ZNF676: variants seen among roughly 807,000 people sequenced by gnomAD.
ZNF676 encodes zinc finger protein 676.
ZNF676 carries 4 observed loss-of-function variants against 6.0 expected under a neutral mutation model. That is an observed-to-expected ratio of 0.67 (90% CI 0.33 to 1.53). The LOEUF (loss-of-function observed/expected upper bound fraction) is 1.53, where lower values mean the gene tolerates loss of function less well. Ranked by LOEUF, ZNF676 falls within the 40% of genes most tolerant of loss-of-function variation. The pLI, the probability that ZNF676 is intolerant of heterozygous loss-of-function variation, is 0.06. For synonymous variants in ZNF676, 198 were observed against 223.1 expected (o/e 0.89, Z 1.00); for missense variants, 644 against 679.7 (o/e 0.95, Z 0.58).
In ZNF676 at chr19:22,192,997, T is replaced by C. The variant is rs536067869; in HGVS notation, c.130+19A>G. 25 of 1,595,452 alleles carry C rather than the reference T, an allele frequency of 1.6e-5. No individual in the cohort carries two copies. In the Admixed American group the frequency reaches 3.3e-4, roughly 21 times the overall value. On this transcript the variant is annotated intron_variant, in intron 2 of 2. Coordinates refer to ENST00000397121, the MANE Select transcript of ZNF676 (RefSeq NM_001001411.3). ...CTTTGGACTTCTCATTCATGTTGTC[T>C]GTATTCACTCTCACCTACCTGGGGG...
In ZNF676 at chr19:22,181,195, A is replaced by G; in HGVS notation, c.522T>C (p.Asn174=). 6.2e-7 allele frequency: 1 copy of G among 1,613,882 alleles called. No individual in the cohort carries two copies. The highest frequency in any genetic ancestry group is 8.5e-7 in the Non-Finnish European group (1 of 1,179,870). Residue 174 remains asparagine, a synonymous_variant, in exon 3 of 3, where the codon AAT becomes AAC. Transcript: ENST00000397121. ...TTGAGGACCAGTTAAAAGCTTTGCC[A>G]TTTTCTTCACATTTGTAGGAATTCT... ...TRENSYKCEE[N]GKAFNWSSTL...
At chr19:22,235,151 G>GGAAGGAAAGAAA in the ZNF676 span, among the ~76,000 whole-genome samples, 2 of 120,976 alleles carry the variant, frequency 1.7e-5, no homozygotes, top group East Asian at 2.7e-4. Context: ...AAGGAAGGAA[G>GGAAGGAAAGAAA]GAAAGAAAGA....
the ZNF676 span, among the ~76,000 whole-genome samples, chr19:22,242,865 G>C: frequency 2.0e-5 from 3 of 151,726 alleles, no homozygotes. Flanking sequence ...CTCATGAGAA[G>C]GGAGTTACAT....
chr19:22,250,445 A>G, the ZNF676 span, among the ~76,000 whole-genome samples: 1 of 152,128 alleles, frequency 6.6e-6, no homozygotes, highest in African/African-American at 2.4e-5. Context: ...TTTTGAGATA[A>G]AGTCTCACTC....
chr19:22,180,449 C>T lies in ZNF676; in HGVS notation c.1268G>A (p.Cys423Tyr), dbSNP rs748962039. ...RIHTGEKPYKCEECGKAFSWS... is the reference protein window; with the variant it reads ...RIHTGEKPYKYEECGKAFSWS... ...GCTGAAGGCTTTGCCACATTCTTCA[C>T]ACTTGTAGGGTTTCTCTCCAGTATG... The change falls in exon 3 of 3, where the codon TGT becomes TAT. Residue 423 changes from cysteine to tyrosine, a missense_variant. Cys to Tyr is a radical substitution (Grantham distance 194, BLOSUM62 -2). Coordinates refer to ENST00000397121, the MANE Select transcript of ZNF676 (RefSeq NM_001001411.3). 2 of 1,612,318 alleles carry T rather than the reference C, an allele frequency of 1.2e-6. No homozygotes were observed. Among genetic ancestry groups the T allele is most frequent in the Non-Finnish European group, 1.7e-6 (2 of 1,179,718 alleles).
intron 1 of ZNF676, among the ~76,000 whole-genome samples, chr19:22,196,125 G>A (rs2023964110): frequency 6.6e-6 from 1 of 152,124 alleles, no homozygotes; most frequent in African/African-American, 2.4e-5. Context: ...GGAAATGTTG[G>A]GAGCTGAATG....
chr19:22,193,193 G>A, intron 1 of ZNF676, 82 bp from the exon 2 acceptor site: 1 of 1,349,850 alleles, frequency 7.4e-7, no homozygotes, highest in South Asian at 1.9e-5. Flanking sequence ...TAAAGAGGAT[G>A]TAATAGAATA....
chr19:22,182,585 T>TAAAAAAAAAAAAAAAAAAAA (rs67699215), intron 2 of ZNF676, among the ~76,000 whole-genome samples: 2 of 45,044 alleles, frequency 4.4e-5, no homozygotes, highest in African/African-American at 2.1e-4. Context: ...GTCAAAGTTC[T>TAAAAAAAAAAAAAAAAAAAA]AAAAAAAAAA....
At chr19:22,259,488 C>T in the ZNF676 span, among the ~76,000 whole-genome samples, 4 of 152,108 alleles carry the variant, frequency 2.6e-5, no homozygotes, top group African/African-American at 4.8e-5. Flanking sequence ...CGATGATTCT[C>T]GTGGGCAAGA....
At chr19:22,245,555 C>A in the ZNF676 span, among the ~76,000 whole-genome samples, 1 of 141,234 alleles carries the variant, frequency 7.1e-6, no homozygotes, top group Non-Finnish European at 1.5e-5. Context: ...CCTCCCAATT[C>A]TTTAGGTGTT....
chr19:22,213,948 T>A (rs1361027343), intron 1 of ZNF676, among the ~76,000 whole-genome samples: 1 of 152,206 alleles, frequency 6.6e-6, no homozygotes, highest in Non-Finnish European at 1.5e-5. Context: ...TGATAAGATA[T>A]CTGTGTCTAG....
the ZNF676 span, among the ~76,000 whole-genome samples, chr19:22,232,541 A>T: frequency 2.6e-5 from 4 of 152,312 alleles, no homozygotes; most frequent in African/African-American, 9.6e-5. Context: ...GAGAACAGAG[A>T]ACTTGAAGAC....
the ZNF676 span, among the ~76,000 whole-genome samples, chr19:22,235,186 G>T: frequency 2.6e-5 from 4 of 151,944 alleles, no homozygotes; most frequent in African/African-American, 9.7e-5. Context: ...AGAGGCCTCT[G>T]CTGTGATTCA....
chr19:22,224,718 A>G, the ZNF676 span, among the ~76,000 whole-genome samples: 1 of 152,178 alleles, frequency 6.6e-6, no homozygotes, highest in Non-Finnish European at 1.5e-5. Context: ...ATGGCCAGGC[A>G]TGGTAGTGGC....
At chr19:22,243,058 A>T in the ZNF676 span, among the ~76,000 whole-genome samples, 1 of 151,814 alleles carries the variant, frequency 6.6e-6, no homozygotes, top group Non-Finnish European at 1.5e-5. Flanking sequence ...TCTCCCTTCT[A>T]TGGGCATGAT....
the ZNF676 span, chr19:22,244,560 T>C: frequency 1.3e-5 from 2 of 151,954 alleles, no homozygotes; most frequent in South Asian, 2.1e-4. Context: ...GTATGAGGAA[T>C]GTCACATTTC....
At chr19:22,186,180 C>A (rs4578792) in intron 2 of ZNF676, among the ~76,000 whole-genome samples, 2 of 152,072 alleles carry the variant, frequency 1.3e-5, no homozygotes, top group African/African-American at 2.4e-5. Context: ...AACAGTGGAT[C>A]TCTCTGCAGA....
rs554337380 is a variant in ZNF676 at position 22,208,885 on chromosome 19, G to A, written c.3+6747C>T. On this transcript the variant is annotated intron_variant, in intron 1 of 3. Transcript: ENST00000650058. ...TGAGCCTGAGTGGGTGAGTTTCAGC[G>A]AGCCAAGATCACACCACTGCACTGC... 7.2e-5 allele frequency among the ~76,000 whole-genome samples: 11 copies of A among 152,244 alleles called. 1 individual carries two copies. In the South Asian group the frequency reaches 2.1e-3, roughly 29 times the overall value.
the ZNF676 span, among the ~76,000 whole-genome samples, chr19:22,249,595 A>G: frequency 6.6e-6 from 1 of 152,012 alleles, no homozygotes; most frequent in Non-Finnish European, 1.5e-5. Context: ...TATTTTTAGT[A>G]GAGACGGGGT....
Sources: gnomAD v4.1 joint callset for allele counts (sites outside exome capture counted in the v4.1 genomes callset) on GRCh38, gnomAD v4.1.1 for gene constraint, MANE v1.5 for transcripts, NCBI Gene and HGNC (gene_info 2026-07-23, HGNC 2026-07-21) for gene names.